The following PF4 variants were observed in gnomAD, a reference collection of about 807,000 sequenced individuals.
PF4 encodes platelet factor 4.
In PF4, 8 loss-of-function variants were observed where a neutral mutation model predicts 6.9. The observed-to-expected ratio is 1.16, with a 90% CI of 0.68 to 2.09. The LOEUF (loss-of-function observed/expected upper bound fraction) is 2.09, where lower values mean the gene tolerates loss of function less well. PF4 is among the 30% of genes most tolerant of loss of function. The probability of loss-of-function intolerance (pLI) is 0.00; values close to 1 mark genes in which losing one functional copy is unlikely to be tolerated. For missense variants in PF4, 111 were observed against 122.9 expected, an observed-to-expected ratio of 0.90 and a Z score of 0.46; for synonymous variants, 55 against 56.5, an observed-to-expected ratio of 0.97 and a Z score of 0.12.
Position 73,981,006 on chromosome 4 carries a change from T to G in PF4, c.*198A>C. On this transcript the variant is annotated 3_prime_UTR_variant, in exon 3 of 3. Coordinates refer to ENST00000296029, the MANE Select transcript of PF4 (RefSeq NM_002619.4). The stretch of plus-strand genomic sequence containing the variant: ...TGCTTAAAATACCGGAATTTTTTTC[T>G]TCCATGAAATTGTTATGTGTCAACA... The G allele has an allele frequency of 1.8e-6, 1 of 562,768 alleles. No homozygotes were observed. Among genetic ancestry groups the G allele is most frequent in the East Asian group, 2.9e-5 (1 of 34,254 alleles). 34.9% of individuals were successfully genotyped at this position (562,768 alleles called of 1,614,324 possible). A position where few individuals can be genotyped will look rare whatever the true frequency, so the allele number is the denominator to read the frequency against.
At position 73,981,006 on chromosome 4, in the gene PF4, T is replaced by C; in HGVS notation, c.*198A>G. ...TGCTTAAAATACCGGAATTTTTTTC[T>C]TCCATGAAATTGTTATGTGTCAACA... On this transcript the variant is annotated 3_prime_UTR_variant, in exon 3 of 3. Coordinates refer to ENST00000296029, the MANE Select transcript of PF4 (RefSeq NM_002619.4). 1 of 562,768 alleles carries C rather than the reference T, an allele frequency of 1.8e-6. No individual in the cohort carries two copies. The highest frequency in any genetic ancestry group is 3.1e-6 in the Non-Finnish European group (1 of 319,336). The allele number at this position is 562,768 out of a possible 1,614,324, so 34.9% of individuals were successfully genotyped here.
rs1473525122 is a variant in PF4, at chr4:73,981,243, C to A, written c.267G>T (p.Pro89=). The part of the protein sequence containing the change: ...GRKICLDLQA[P]LYKKIIKKLL... ...GTTTCTTAATTATTTTCTTGTACAGCGGGGCTTGCAGGTCCAAGCAAATTT... is the reference window on the plus strand; with the variant it reads ...GTTTCTTAATTATTTTCTTGTACAGAGGGGCTTGCAGGTCCAAGCAAATTT... Residue 89 remains proline (P), a synonymous_variant, in exon 3 of 3, where the codon CCG becomes CCT. Transcript: ENST00000296029. 17 of 1,614,144 alleles carry A rather than the reference C, an allele frequency of 1.1e-5. No individual in the cohort carries two copies. The highest frequency in any genetic ancestry group is 1.3e-5 in the Non-Finnish European group (15 of 1,179,966).
In PF4 at chr4:73,981,499, T is replaced by G; in HGVS notation, c.136A>C (p.Thr46Pro). The change falls in exon 2 of 3, where the codon ACC becomes CCC. Residue 46 changes from threonine to proline, a missense_variant. Physicochemically the swap from Thr to Pro is conservative, Grantham distance 38. Coordinates refer to ENST00000296029, the MANE Select transcript of PF4 (RefSeq NM_002619.4). Reference sequence around the variant, plus strand: ...TGCCTGGGACGGACCTGGGAGGTGGTCTTCACACACAGGCACTGCAGGTCC... The same window carrying G: ...TGCCTGGGACGGACCTGGGAGGTGGGCTTCACACACAGGCACTGCAGGTCC... ...DGDLQCLCVK[T>P]TSQVRPRHIT... is the part of the protein sequence containing the mutation. 1 of 1,613,992 alleles carries G rather than the reference T, an allele frequency of 6.2e-7. No individual in the cohort carries two copies.
At position 73,981,920 on chromosome 4, in the gene PF4, G is replaced by C; in HGVS notation, c.34C>G (p.Pro12Ala). Reference sequence around the variant, plus strand: ...AGCAACCCCAGGAACAGCAGCCCGGGGCGTGAGGCGCAGAACCCGGCTGCG... The same window carrying C: ...AGCAACCCCAGGAACAGCAGCCCGGCGCGTGAGGCGCAGAACCCGGCTGCG... Reference protein sequence around the residue: ...SSAAGFCASRPGLLFLGLLLL... With the variant: ...SSAAGFCASRAGLLFLGLLLL... The change falls in exon 1 of 3, where the codon CCC (proline) becomes GCC (alanine). Residue 12 changes from proline to alanine, a missense_variant. By Grantham distance (27) the Pro-to-Ala change is conservative (BLOSUM62 -1). Transcript: ENST00000296029. 6.4e-7 allele frequency: 1 copy of C among 1,551,112 alleles called. No individual in the cohort carries two copies. The highest frequency in any genetic ancestry group is 8.7e-7 in the Non-Finnish European group (1 of 1,146,906).
At chr4:73,981,389 C>T (rs1718782197) in intron 2 of PF4, 28 bp downstream of exon 2, 1 of 1,614,116 alleles carries the variant, frequency 6.2e-7, no homozygotes, top group African/African-American at 1.3e-5. Context: ...GGAGCGGGAG[C>T]ACTGACAGAT....
chr4:73,981,151 T>C lies in PF4; in HGVS notation c.*53A>G. The stretch of plus-strand genomic sequence containing the variant: ...AGTTCTTTCACAGTTAGATTGAAAC[T>C]GGAAAAAAGAAGTATGCTATATAGC... On this transcript the variant is annotated 3_prime_UTR_variant, in exon 3 of 3. Coordinates refer to ENST00000296029, the MANE Select transcript of PF4 (RefSeq NM_002619.4). 1 of 1,222,444 alleles carries C rather than the reference T, an allele frequency of 8.2e-7. No individual in the cohort carries two copies. Among genetic ancestry groups the C allele is most frequent in the South Asian group, 1.2e-5 (1 of 81,520 alleles). 75.7% of individuals were successfully genotyped at this position (1,222,444 alleles called of 1,614,324 possible). A position where few individuals can be genotyped will look rare whatever the true frequency, so the allele number is the denominator to read the frequency against.
chr4:73,982,040 TC>T, upstream of PF4: 1 of 1,100,050 alleles, frequency 9.1e-7, no homozygotes, highest in African/African-American at 1.6e-5. Flanking sequence ...CTCCTGAGCC[TC>T]GCCGGCACGT....
chr4:73,982,079 G>A (rs552765329), upstream of PF4: 3 of 655,830 alleles, frequency 4.6e-6, no homozygotes, highest in South Asian at 1.9e-5. Context: ...TTCCAGTCCG[G>A]AAGCCTGAAG....
chr4:73,981,391 C>T (rs369311780), intron 2 of PF4, 26 bp downstream of exon 2: 15 of 1,613,970 alleles, frequency 9.3e-6, no homozygotes, highest in African/African-American at 6.7e-5. Flanking sequence ...AGCGGGAGCA[C>T]TGACAGATGC....
intron 2 of PF4, 48 bp downstream of exon 2, chr4:73,981,369 G>T (rs1718781388): frequency 6.2e-7 from 1 of 1,614,070 alleles, no homozygotes; most frequent in Non-Finnish European, 8.5e-7. Flanking sequence ...GGGTTGGGCA[G>T]AGGAGGCACG....
chr4:73,981,969 C>G lies in PF4; in HGVS notation c.-16G>C. ...CGGAGCTCATGCTGCGGCAGAGCTT[C>G]CAGCAGGATCTCAGTGCTCAGTGCG... On this transcript the variant is annotated 5_prime_UTR_variant, in exon 1 of 3. Coordinates refer to ENST00000296029, the MANE Select transcript of PF4 (RefSeq NM_002619.4). 1 of 1,548,764 alleles carries G rather than the reference C, an allele frequency of 6.5e-7. No individual in the cohort carries two copies. Among genetic ancestry groups the G allele is most frequent in the Non-Finnish European group, 8.7e-7 (1 of 1,145,118 alleles).
At position 73,981,959 on chromosome 4, in the gene PF4, G is replaced by C. The variant is rs753463492; in HGVS notation, c.-6C>G. 20 of 1,550,248 alleles carry C rather than the reference G, an allele frequency of 1.3e-5. No individual in the cohort carries two copies. In the African/African-American group the frequency reaches 2.2e-4, roughly 17 times the overall value. The stretch of plus-strand genomic sequence containing the variant: ...AACCCGGCTGCGGAGCTCATGCTGC[G>C]GCAGAGCTTCCAGCAGGATCTCAGT... On this transcript the variant is annotated 5_prime_UTR_variant, in exon 1 of 3. Transcript: ENST00000296029.
Position 73,981,413 on chromosome 4 carries a change from T to C in PF4, c.218+4A>G. On this transcript the variant is annotated splice_donor_region_variant and intron_variant, in intron 2 of 2. Coordinates refer to ENST00000296029, the MANE Select transcript of PF4 (RefSeq NM_002619.4). ...GCACTGACAGATGCAGTGCAAGGAC[T>C]CACATCAGTTGGGCAGTGGGGCAGT... 6.2e-7 allele frequency: 1 copy of C among 1,614,154 alleles called. No homozygotes were observed. The highest frequency in any genetic ancestry group is 8.5e-7 in the Non-Finnish European group (1 of 1,180,014).
rs2233648 is a variant in PF4 at position 73,981,419 on chromosome 4, C to G, written c.216G>C (p.Leu72=). 3.8e-3 allele frequency: 6,141 copies of G among 1,614,080 alleles called. 151 individuals are homozygous for G. In the African/African-American group the frequency reaches 0.069, roughly 18 times the overall value. The part of the protein sequence containing the change: ...KAGPHCPTAQ[L]IATLKNGRKI... ...ACAGATGCAGTGCAAGGACTCACATCAGTTGGGCAGTGGGGCAGTGGGGTC... is the reference window on the plus strand; with the variant it reads ...ACAGATGCAGTGCAAGGACTCACATGAGTTGGGCAGTGGGGCAGTGGGGTC... Residue 72 remains leucine (L), a splice_region_variant and synonymous_variant, in exon 2 of 3, where the codon CTG becomes CTC. Transcript: ENST00000296029.
Position 73,982,010 on chromosome 4 carries a change from T to C in PF4, c.-57A>G. ...GCTCAGTGCGATGGGAAACTCGGGC[T>C]GGGTCTCTGTGGCCAATGACTCCTG... On this transcript the variant is annotated 5_prime_UTR_variant, in exon 1 of 3. Coordinates refer to ENST00000296029, the MANE Select transcript of PF4 (RefSeq NM_002619.4). The C allele has an allele frequency of 7.1e-7, 1 of 1,407,142 alleles. No homozygotes were observed. Among genetic ancestry groups the C allele is most frequent in the Non-Finnish European group, 9.8e-7 (1 of 1,019,376 alleles). The allele number at this position is 1,407,142 out of a possible 1,614,324, so 87.2% of individuals were successfully genotyped here.
chr4:73,982,063 C>A (rs1001114874), upstream of PF4: 8 of 863,298 alleles, frequency 9.3e-6, no homozygotes, highest in Non-Finnish European at 1.3e-5. Flanking sequence ...TTATTCCCGG[C>A]TGTCCTTCCA....
rs940311291 is a variant in PF4, at chr4:73,982,008, G to T, written c.-55C>A. ...GTGCTCAGTGCGATGGGAAACTCGG[G>T]CTGGGTCTCTGTGGCCAATGACTCC... On this transcript the variant is annotated 5_prime_UTR_variant, in exon 1 of 3. Coordinates refer to ENST00000296029, the MANE Select transcript of PF4 (RefSeq NM_002619.4). 8 of 1,443,740 alleles carry T rather than the reference G, an allele frequency of 5.5e-6. No homozygotes were observed. Among genetic ancestry groups the T allele is most frequent in the African/African-American group, 4.2e-5 (3 of 70,616 alleles). The allele number at this position is 1,443,740 out of a possible 1,614,324, so 89.4% of individuals were successfully genotyped here.
intron 1 of PF4, 84 bp from the exon 2 acceptor site, chr4:73,981,627 T>C (rs1193838833): frequency 2.0e-6 from 3 of 1,523,014 alleles, no homozygotes; most frequent in East Asian, 2.5e-5. Flanking sequence ...TTAGGGACTT[T>C]TTCCACTACC....
chr4:73,981,776 G>C, intron 1 of PF4, 87 bp downstream of exon 1: 1 of 1,503,984 alleles, frequency 6.6e-7, no homozygotes, highest in Non-Finnish European at 8.9e-7. Flanking sequence ...CTGTGATCAT[G>C]ATCCTAGAGG....
Sources: allele counts gnomAD v4.1 joint callset, GRCh38; gene constraint gnomAD v4.1.1; transcripts MANE v1.5; gene names NCBI Gene and HGNC (gene_info 2026-07-23, HGNC 2026-07-21).